The following PPP3CB variants were observed in gnomAD, a reference collection of about 807,000 sequenced individuals.
PPP3CB encodes serine/threonine-protein phosphatase 2B catalytic subunit beta isoform.
A neutral mutation model predicts 66.4 loss-of-function variants in PPP3CB; 8 were observed. The ratio of observed to expected loss-of-function variants is 0.12; its 90% confidence interval spans 0.07 to 0.22. PPP3CB has a LOEUF of 0.22. Ranked by LOEUF, PPP3CB falls within the 10% of genes least tolerant of loss-of-function variation. The probability of loss-of-function intolerance (pLI) is 1.00; values close to 1 mark genes in which losing one functional copy is unlikely to be tolerated. For synonymous variants in PPP3CB, 208 were observed against 221.2 expected (o/e 0.94, Z 0.53); for missense variants, 319 against 642.5 (o/e 0.50, Z 5.44).
intron 1 of PPP3CB, among the ~76,000 whole-genome samples, chr10:73,479,932 C>T (rs1353347421): frequency 1.3e-5 from 2 of 151,964 alleles, no homozygotes; most frequent in Non-Finnish European, 2.9e-5. Flanking sequence ...TAGGCTGGGG[C>T]AGGAGGATCA....
rs1019088638 is a variant in PPP3CB, at chr10:73,462,140, C to CTTTT, written c.1108+5409_1108+5412dup. ...GAACCACGAGCCAATTAAACTCCTTCTTTTTTTTTTTTTTTTTTTTTTTTT... is the reference window on the plus strand; with the variant it reads ...GAACCACGAGCCAATTAAACTCCTTCTTTTTTTTTTTTTTTTTTTTTTTTTTTTT... On this transcript the variant is annotated intron_variant, in intron 9 of 13. Coordinates refer to ENST00000360663, the MANE Select transcript of PPP3CB (RefSeq NM_021132.4). 3.0e-4 allele frequency among the ~76,000 whole-genome samples: 28 copies of CTTTT among 94,218 alleles called. 3 individuals carry two copies. Among genetic ancestry groups the CTTTT allele is most frequent in the African/African-American group, 9.8e-4 (25 of 25,548 alleles). The allele number at this position is 94,218 out of a possible 152,430, so 61.8% of individuals were successfully genotyped here.
chr10:73,447,287 C>G (rs1475224355), intron 10 of PPP3CB, among the ~76,000 whole-genome samples: 1 of 152,238 alleles, frequency 6.6e-6, no homozygotes, highest in Non-Finnish European at 1.5e-5. Context: ...ACTGCTTCAT[C>G]TCTAAAGGGT....
At chr10:73,440,666 A>T (rs2056129178) in intron 12 of PPP3CB, among the ~76,000 whole-genome samples, 1 of 152,226 alleles carries the variant, frequency 6.6e-6, no homozygotes, top group South Asian at 2.1e-4. Context: ...GACAGAGTTT[A>T]TCATGAACTC....
At chr10:73,489,894 C>T (rs1345300044) in intron 1 of PPP3CB, among the ~76,000 whole-genome samples, 1 of 152,154 alleles carries the variant, frequency 6.6e-6, no homozygotes, top group African/African-American at 2.4e-5. Flanking sequence ...TCTACTCATC[C>T]TTCAAGGACT....
chr10:73,436,858 C>T lies in PPP3CB; in HGVS notation c.*1384G>A, dbSNP rs1224728991. On this transcript the variant is annotated 3_prime_UTR_variant, in exon 14 of 14. Coordinates refer to ENST00000360663, the MANE Select transcript of PPP3CB (RefSeq NM_021132.4). ...ATTGTGTGCTACTGTTTATAAAATA[C>T]TCGAATAGTCCTGCACATGCATAAT... 1 of 152,258 alleles carries T rather than the reference C, an allele frequency of 6.6e-6. No individual in the cohort carries two copies. Among genetic ancestry groups the T allele is most frequent in the Non-Finnish European group, 1.5e-5 (1 of 68,040 alleles). 9.4% of individuals were successfully genotyped at this position (152,258 alleles called of 1,614,324 possible).
intron 4 of PPP3CB, 132 bp downstream of exon 4, chr10:73,474,787 C>A: frequency 7.5e-7 from 1 of 1,342,096 alleles, no homozygotes. Flanking sequence ...CGACAACTTT[C>A]CTCAAAGCTT....
intron 9 of PPP3CB, among the ~76,000 whole-genome samples, chr10:73,458,312 T>C (rs1163761567): frequency 6.6e-6 from 1 of 152,030 alleles, no homozygotes; most frequent in African/African-American, 2.4e-5. Context: ...AATTTTTGTA[T>C]TTTTAGTAGA....
At chr10:73,476,060 C>G (rs1444628326) in intron 3 of PPP3CB, among the ~76,000 whole-genome samples, 1 of 151,226 alleles carries the variant, frequency 6.6e-6, no homozygotes, top group African/African-American at 2.4e-5. Context: ...AGGGTTTCAC[C>G]ATGTTTCCCT....
chr10:73,450,534 T>A (rs2056327714), intron 10 of PPP3CB, among the ~76,000 whole-genome samples: 1 of 152,202 alleles, frequency 6.6e-6, no homozygotes, highest in East Asian at 1.9e-4. Flanking sequence ...CCCAGACTCA[T>A]ATTCCTAAAA....
chr10:73,476,098 C>A (rs2056783808), intron 3 of PPP3CB, among the ~76,000 whole-genome samples: 1 of 151,490 alleles, frequency 6.6e-6, no homozygotes, highest in Non-Finnish European at 1.5e-5. Context: ...CAGGTTCAAG[C>A]AATCTGCCTG....
At chr10:73,485,856 T>C (rs1056739948) in intron 1 of PPP3CB, among the ~76,000 whole-genome samples, 3 of 151,510 alleles carry the variant, frequency 2.0e-5, no homozygotes, top group Non-Finnish European at 4.4e-5. Flanking sequence ...TTCTCCTGCC[T>C]CAGCCTCCCA....
At chr10:73,443,266 G>GAA (rs1554821585) in intron 12 of PPP3CB, among the ~76,000 whole-genome samples, 13 of 64,488 alleles carry the variant, frequency 2.0e-4, no homozygotes, top group East Asian at 8.9e-4. Flanking sequence ...GAGAGAGAGA[G>GAA]AGAAAGAAAG....
At chr10:73,445,940 G>T (rs1195020089) in intron 11 of PPP3CB, among the ~76,000 whole-genome samples, 6 of 150,834 alleles carry the variant, frequency 4.0e-5, no homozygotes, top group Non-Finnish European at 4.4e-5. Flanking sequence ...GTAGAGACAG[G>T]GTTTCACCAT....
At chr10:73,480,812 A>G (rs550231333) in intron 1 of PPP3CB, among the ~76,000 whole-genome samples, 1 of 152,264 alleles carries the variant, frequency 6.6e-6, no homozygotes, top group East Asian at 1.9e-4. Context: ...TTCACTCCGC[A>G]GTACATATTT....
intron 4 of PPP3CB, among the ~76,000 whole-genome samples, chr10:73,472,474 G>A (rs1378470702): frequency 1.4e-5 from 2 of 145,502 alleles, no homozygotes; most frequent in Non-Finnish European, 3.0e-5. Context: ...CAGCCTGGGC[G>A]ACAGAGCAAG....
chr10:73,494,275 G>GTTTTGT (rs145956932), intron 1 of PPP3CB, among the ~76,000 whole-genome samples: 192 of 151,818 alleles, frequency 1.3e-3, no homozygotes, highest in African/African-American at 4.0e-3. Context: ...GCAAATCAGT[G>GTTTTGT]TTTTGTTTTT....
chr10:73,466,194 T>A (rs1229727629), intron 9 of PPP3CB, among the ~76,000 whole-genome samples: 1 of 152,226 alleles, frequency 6.6e-6, no homozygotes, highest in Non-Finnish European at 1.5e-5. Flanking sequence ...TCTAAAACCC[T>A]ATGATGCCCT....
At chr10:73,467,093 T>A (rs1321060945) in intron 9 of PPP3CB, 1 of 152,162 alleles carries the variant, frequency 6.6e-6, no homozygotes, top group East Asian at 1.9e-4. Context: ...TGGGTTACAA[T>A]CTGAATTTCT....
chr10:73,440,719 C>A (rs2056130270), intron 12 of PPP3CB, among the ~76,000 whole-genome samples: 2 of 152,164 alleles, frequency 1.3e-5, no homozygotes, highest in African/African-American at 4.8e-5. Flanking sequence ...TTTTCAAACT[C>A]ATCTACCAAT....
Sources: allele counts gnomAD v4.1 joint callset (sites outside exome capture counted in the v4.1 genomes callset), GRCh38; gene constraint gnomAD v4.1.1; transcripts MANE v1.5; gene names NCBI Gene and HGNC (gene_info 2026-07-23, HGNC 2026-07-21).